Variants in USP25 observed in about 807,000 individuals in gnomAD.
USP25 encodes ubiquitin specific peptidase 25, also known as ubiquitin carboxyl-terminal hydrolase 25.
USP25 carries 85 observed loss-of-function variants against 158.5 expected under a neutral mutation model. The observed-to-expected ratio is 0.54, with a 90% CI of 0.45 to 0.64. The LOEUF (loss-of-function observed/expected upper bound fraction) is 0.64, where lower values mean the gene tolerates loss of function less well. Among genes scored for constraint, USP25 ranks in the 30% least tolerant of loss-of-function variants. The pLI, the probability that USP25 is intolerant of heterozygous loss-of-function variation, is 0.00. For missense variants in USP25, 1,242 were observed against 1,327.3 expected (o/e 0.94, Z 1.00); for synonymous variants, 464 against 460.4 (o/e 1.01, Z -0.10).
intron 5 of USP25, among the ~76,000 whole-genome samples, chr21:15,797,704 C>T (rs1163110450): frequency 6.6e-6 from 1 of 151,138 alleles, no homozygotes; most frequent in African/African-American, 2.4e-5. Flanking sequence ...TCTTTAAATT[C>T]CTCAAAAGAA....
intron 20 of USP25, among the ~76,000 whole-genome samples, chr21:15,861,941 G>C (rs1228609293): frequency 1.3e-5 from 2 of 152,032 alleles, no homozygotes; most frequent in African/African-American, 2.4e-5. Flanking sequence ...AATTAGGAGA[G>C]TCTTAAATTC....
chr21:15,811,442 G>GT (rs3215890), intron 9 of USP25, among the ~76,000 whole-genome samples: 11,596 of 152,122 alleles, frequency 0.076, 510 homozygotes, highest in East Asian at 0.099. Context: ...TTATCCTCAT[G>GT]TTTTTTCCAG....
intron 22 of USP25, among the ~76,000 whole-genome samples, chr21:15,867,022 C>T (rs1197801043): frequency 2.6e-5 from 4 of 152,000 alleles, no homozygotes; most frequent in Non-Finnish European, 5.9e-5. Flanking sequence ...TCCCTATATG[C>T]CATATATGTT....
At chr21:15,792,913 C>G (rs1019318415) in intron 5 of USP25, among the ~76,000 whole-genome samples, 10 of 151,606 alleles carry the variant, frequency 6.6e-5, no homozygotes, top group Non-Finnish European at 1.5e-4. Context: ...ATCTTTGCTT[C>G]TAGCCTTGAT....
intron 10 of USP25, among the ~76,000 whole-genome samples, chr21:15,823,821 C>T (rs2037356527): frequency 6.6e-6 from 1 of 151,788 alleles, no homozygotes; most frequent in African/African-American, 2.4e-5. Flanking sequence ...TCTTTTTTTC[C>T]TGATCATATA....
intron 2 of USP25, among the ~76,000 whole-genome samples, chr21:15,765,128 A>C (rs1274814245): frequency 6.6e-6 from 1 of 152,114 alleles, no homozygotes; most frequent in African/African-American, 2.4e-5. Flanking sequence ...GTGCATGTCT[A>C]AGTTCTTAGG....
chr21:15,805,508 A>T (rs2036338098), intron 7 of USP25: 2 of 277,016 alleles, frequency 7.2e-6, no homozygotes, highest in Non-Finnish European at 1.3e-5. Flanking sequence ...TTACAAATAC[A>T]TAATTAAACA....
chr21:15,829,524 A>G (rs1354469840), intron 14 of USP25, among the ~76,000 whole-genome samples: 3 of 152,048 alleles, frequency 2.0e-5, no homozygotes, highest in African/African-American at 7.2e-5. Context: ...CAATTGAAAA[A>G]CTGGTATTTT....
chr21:15,864,312 A>G lies in USP25; in HGVS notation c.2592A>G (p.Glu864=), dbSNP rs1377846435. 6.2e-7 allele frequency: 1 copy of G among 1,611,898 alleles called. No homozygotes were observed. The highest frequency in any genetic ancestry group is 8.5e-7 in the Non-Finnish European group (1 of 1,179,438). ...CAAGGTTGGTTAAGTTGGCCCAAGA[A>G]GACACCCCACCAGAAACCGATTATC... ...EYARLVKLAQ[E]DTPPETDYRL... Residue 864 remains glutamate, a synonymous_variant, in exon 21 of 26, where the codon GAA becomes GAG. Transcript: ENST00000400183.
At chr21:15,782,335 C>G (rs1031424944) in intron 4 of USP25, among the ~76,000 whole-genome samples, 1 of 152,188 alleles carries the variant, frequency 6.6e-6, no homozygotes, top group Non-Finnish European at 1.5e-5. Flanking sequence ...TGCACAGCTG[C>G]CGGGCCACAA....
intron 3 of USP25, chr21:15,773,212 C>T (rs1365337767): frequency 6.6e-6 from 1 of 152,232 alleles, no homozygotes; most frequent in African/African-American, 2.4e-5. Flanking sequence ...TTGGAGATGC[C>T]TGGAGTGGCT....
At chr21:15,835,608 A>C (rs978043668) in intron 17 of USP25, among the ~76,000 whole-genome samples, 23 of 152,172 alleles carry the variant, frequency 1.5e-4, no homozygotes, top group Non-Finnish European at 5.9e-5. Context: ...ATAATCTTAG[A>C]ATGTTGATAT....
intron 4 of USP25, among the ~76,000 whole-genome samples, chr21:15,786,292 G>T (rs1386661819): frequency 2.0e-5 from 3 of 152,026 alleles, no homozygotes; most frequent in East Asian, 1.9e-4. Flanking sequence ...ATTTTATGAG[G>T]CCAGCATTAC....
At chr21:15,779,892 G>A (rs962464110) in intron 4 of USP25, among the ~76,000 whole-genome samples, 1 of 151,938 alleles carries the variant, frequency 6.6e-6, no homozygotes, top group Non-Finnish European at 1.5e-5. Context: ...TCAATAACCC[G>A]CAATGAGCAA....
At chr21:15,795,539 G>A (rs1252239168) in intron 5 of USP25, among the ~76,000 whole-genome samples, 1 of 151,514 alleles carries the variant, frequency 6.6e-6, no homozygotes, top group Non-Finnish European at 1.5e-5. Flanking sequence ...TGTGGTTTAA[G>A]CATGATCACT....
intron 15 of USP25, 53 bp downstream of exon 15, chr21:15,830,654 T>A: frequency 7.3e-7 from 1 of 1,369,098 alleles, no homozygotes; most frequent in Admixed American, 2.2e-5. Flanking sequence ...ACATATATTT[T>A]AATTTACCTT....
chr21:15,810,754 G>A (rs2036617396), intron 8 of USP25, among the ~76,000 whole-genome samples: 1 of 152,160 alleles, frequency 6.6e-6, no homozygotes. Context: ...CTGATTAAAA[G>A]TGGCTTTTCT....
chr21:15,735,533 C>G (rs1047432116), intron 1 of USP25, among the ~76,000 whole-genome samples: 1 of 152,172 alleles, frequency 6.6e-6, no homozygotes, highest in African/African-American at 2.4e-5. Context: ...TCTGGGGGTC[C>G]TGGAACCAGT....
intron 5 of USP25, among the ~76,000 whole-genome samples, chr21:15,794,217 GT>G (rs1237675648): frequency 6.6e-6 from 1 of 151,600 alleles, no homozygotes; most frequent in East Asian, 1.9e-4. Context: ...GGCTACAACA[GT>G]TATAGATAGC....
Sources: gnomAD v4.1 joint callset for allele counts (sites outside exome capture counted in the v4.1 genomes callset) on GRCh38, gnomAD v4.1.1 for gene constraint, MANE v1.5 for transcripts, NCBI Gene and HGNC (gene_info 2026-07-23, HGNC 2026-07-21) for gene names.